Variants in RYR2 observed in about 807,000 individuals in gnomAD.
RYR2 encodes the protein ryanodine receptor 2.
RYR2 carries 227 observed loss-of-function variants against 601.1 expected under a neutral mutation model. The ratio of observed to expected loss-of-function variants is 0.38; its 90% CI spans 0.34 to 0.42. RYR2 has a LOEUF of 0.42. Among genes scored for constraint, RYR2 ranks in the 10% least tolerant of loss-of-function variants. The pLI is 1.00. For missense variants in RYR2, 4,646 were observed against 6,156.5 expected (o/e 0.75, Z 8.21); for synonymous variants, 2,223 against 2,175.1 (o/e 1.02, Z -0.61).
chr1:237,792,261 A>T lies in RYR2; in HGVS notation c.13720A>T (p.Ile4574Phe). The T allele has an allele frequency of 1.9e-6, 3 of 1,613,782 alleles. No individual in the cohort carries two copies. The South Asian group carries it at 3.3e-5, about 18-fold the overall frequency. ...CGGCTACATGGAGCCCACGTTGCGTATCTTAGCTATTCTGCACACGGTCAT... is the reference window on the plus strand; with the variant it reads ...CGGCTACATGGAGCCCACGTTGCGTTTCTTAGCTATTCTGCACACGGTCAT... ...SSGYMEPTLR[I>F]LAILHTVISF... Residue 4574 changes from isoleucine (I) to phenylalanine (F), a missense_variant, in exon 94 of 105, where the codon ATC becomes TTC. This residue lies in a region of RYR2 where 364 missense variants were observed against 442.9 expected (regional missense o/e 0.82). Coordinates refer to ENST00000366574, the MANE Select transcript of RYR2 (RefSeq NM_001035.3).
intron 1 of RYR2, among the ~76,000 whole-genome samples, chr1:237,138,936 G>A (rs1231836631): frequency 6.6e-6 from 1 of 152,194 alleles, no homozygotes; most frequent in Non-Finnish European, 1.5e-5. Context: ...CTCATACACT[G>A]CTGGGGACCT....
At chr1:237,260,173 T>C (rs1482112628) in intron 1 of RYR2, among the ~76,000 whole-genome samples, 2 of 152,190 alleles carry the variant, frequency 1.3e-5, no homozygotes, top group Admixed American at 6.5e-5. Flanking sequence ...GGAATTCCAA[T>C]TGAACATAAA....
intron 29 of RYR2, among the ~76,000 whole-genome samples, chr1:237,577,771 T>G (rs12133069): frequency 0.3 from 45,357 of 151,740 alleles, 7,242 homozygotes; most frequent in East Asian, 0.61. Context: ...CAAACAAAAG[T>G]TTATCAGTAA....
chr1:237,556,948 A>C (rs1489912197), intron 27 of RYR2, among the ~76,000 whole-genome samples: 2 of 149,582 alleles, frequency 1.3e-5, no homozygotes, highest in African/African-American at 2.5e-5. Flanking sequence ...TTGTTATCTC[A>C]AAGTTTCTGT....
chr1:237,411,396 C>T (rs918254073), intron 10 of RYR2, among the ~76,000 whole-genome samples: 3 of 152,132 alleles, frequency 2.0e-5, no homozygotes, highest in Non-Finnish European at 4.4e-5. Flanking sequence ...TTCCTAGTTA[C>T]GTTGTCCCGA....
intron 23 of RYR2, among the ~76,000 whole-genome samples, chr1:237,509,033 C>T (rs1054862726): frequency 6.6e-6 from 1 of 152,108 alleles, no homozygotes; most frequent in African/African-American, 2.4e-5. Flanking sequence ...TGAGCCACCG[C>T]GCCCGGCCAG....
intron 1 of RYR2, among the ~76,000 whole-genome samples, chr1:237,123,914 G>A (rs1011366487): frequency 2.6e-5 from 4 of 151,922 alleles, no homozygotes; most frequent in Non-Finnish European, 5.9e-5. Flanking sequence ...TGATCCACCC[G>A]CCTCGGCCTC....
intron 20 of RYR2, among the ~76,000 whole-genome samples, chr1:237,497,296 G>A (rs1664174600): frequency 6.6e-6 from 1 of 152,010 alleles, no homozygotes; most frequent in Non-Finnish European, 1.5e-5. Context: ...AGTATAAAAT[G>A]GTTTAAAAAT....
intron 17 of RYR2, among the ~76,000 whole-genome samples, chr1:237,477,027 T>C (rs972495877): frequency 6.6e-6 from 1 of 152,158 alleles, no homozygotes; most frequent in African/African-American, 2.4e-5. Context: ...GCCAGAGGAA[T>C]AAAAGAGGAA....
rs2148445989 is a variant in RYR2 at position 237,591,754 on chromosome 1, A to G, written c.4176A>G (p.Arg1392=). The G allele has an allele frequency of 2.5e-6, 4 of 1,613,084 alleles. No homozygotes were observed. The highest frequency in any genetic ancestry group is 2.2e-5 in the South Asian group (2 of 90,862). The change falls in exon 32 of 105, where the codon AGA becomes AGG. Residue 1392 remains arginine (R), a synonymous_variant. Transcript: ENST00000366574. ...AATATTTCAGATTTTTGCTTAGAAGAACAAAGCCAGATTACAGCACAAGCC... is the reference window on the plus strand; with the variant it reads ...AATATTTCAGATTTTTGCTTAGAAGGACAAAGCCAGATTACAGCACAAGCC... ...SRLKQRFLLR[R]TKPDYSTSHS...
At chr1:237,402,870 GTC>G (rs1703496643) in intron 10 of RYR2, among the ~76,000 whole-genome samples, 1 of 149,290 alleles carries the variant, frequency 6.7e-6, no homozygotes, top group Non-Finnish European at 1.5e-5. Context: ...CAGCCTCGAT[GTC>G]CTGGCCTCAA....
At chr1:237,181,307 G>T (rs561904015) in intron 1 of RYR2, among the ~76,000 whole-genome samples, 2 of 148,930 alleles carry the variant, frequency 1.3e-5, no homozygotes, top group Non-Finnish European at 3.0e-5. Flanking sequence ...ATACATTACC[G>T]TATCTAATCC....
At position 237,709,228 on chromosome 1, in the gene RYR2, A is replaced by G. The variant is rs1688625727; in HGVS notation, c.10142+130A>G. On this transcript the variant is annotated intron_variant, in intron 69 of 104. Coordinates refer to ENST00000366574, the MANE Select transcript of RYR2 (RefSeq NM_001035.3). ...TTGGTAATTATAATTAACTGTTTAT[A>G]GGCAAGTTAATTTTTGGCTTAAAAT... is the stretch of plus-strand genomic sequence containing the variant. The G allele has an allele frequency of 3.3e-6, 3 of 895,676 alleles. No individual in the cohort carries two copies. In the African/African-American group the frequency reaches 5.0e-5, roughly 15 times the overall value. The allele number at this position is 895,676 out of a possible 1,614,324, so 55.5% of individuals were successfully genotyped here. A position where few individuals can be genotyped will look rare whatever the true frequency, so the allele number is the denominator to read the frequency against.
chr1:237,620,416 A>G (rs1678949266), intron 38 of RYR2, among the ~76,000 whole-genome samples: 2 of 152,170 alleles, frequency 1.3e-5, no homozygotes, highest in Non-Finnish European at 2.9e-5. Context: ...GCAAGTCAGT[A>G]AAAATAAATC....
intron 68 of RYR2, among the ~76,000 whole-genome samples, chr1:237,707,682 G>C (rs1688494794): frequency 6.6e-6 from 1 of 152,180 alleles, no homozygotes; most frequent in African/African-American, 2.4e-5. Context: ...GTATTGAAAA[G>C]TTAGAAGCAA....
In RYR2 at chr1:237,766,830, A is replaced by G. The variant is rs180981812; in HGVS notation, c.11477-3977A>G. Reference sequence around the variant, plus strand: ...GTGGGACAAACCTGATTTATTTCACATAGTGGTCATTTTCGTTGTCTTGGC... The same window carrying G: ...GTGGGACAAACCTGATTTATTTCACGTAGTGGTCATTTTCGTTGTCTTGGC... On this transcript the variant is annotated intron_variant, in intron 84 of 104. Coordinates refer to ENST00000366574, the MANE Select transcript of RYR2 (RefSeq NM_001035.3). 2.7e-4 allele frequency among the ~76,000 whole-genome samples: 41 copies of G among 152,312 alleles called. 1 individual carries two copies. The highest frequency in any genetic ancestry group is 2.6e-3 in the Admixed American group (40 of 15,300).
intron 99 of RYR2, among the ~76,000 whole-genome samples, chr1:237,807,679 G>A (rs946960770): frequency 1.3e-5 from 2 of 152,100 alleles, no homozygotes; most frequent in African/African-American, 4.8e-5. Flanking sequence ...GAAATATGTA[G>A]AGCTTTATAG....
Position 237,417,178 on chromosome 1 carries a change from C to G in RYR2, c.848+55C>G, listed in dbSNP as rs186094701. The G allele has an allele frequency of 2.9e-6, 4 of 1,363,582 alleles. No homozygotes were observed. In the South Asian group the frequency reaches 3.5e-5, roughly 12 times the overall value. 84.5% of individuals were successfully genotyped at this position (1,363,582 alleles called of 1,614,324 possible). On this transcript the variant is annotated intron_variant, in intron 11 of 104. Coordinates refer to ENST00000366574, the MANE Select transcript of RYR2 (RefSeq NM_001035.3). Reference sequence around the variant, plus strand: ...GCACCAAGTGTACCAAATAGCTCAGCGTTGTGCTTCTGTGTCAGCCTGTGA... The same window carrying G: ...GCACCAAGTGTACCAAATAGCTCAGGGTTGTGCTTCTGTGTCAGCCTGTGA...
At chr1:237,598,589 A>G (rs1437250257) in intron 34 of RYR2, among the ~76,000 whole-genome samples, 1 of 152,222 alleles carries the variant, frequency 6.6e-6, no homozygotes, top group Admixed American at 6.5e-5. Context: ...GTTAAAAAAG[A>G]AATTAAAAAT....
Sources: gnomAD v4.1 joint callset for allele counts (sites outside exome capture counted in the v4.1 genomes callset) on GRCh38, gnomAD v4.1.1 for gene constraint, gnomAD v4.1.1 regional missense constraint, MANE v1.5 for transcripts, NCBI Gene and HGNC (gene_info 2026-07-23, HGNC 2026-07-21) for gene names.